DLC1: variants seen among roughly 807,000 people sequenced by gnomAD.
DLC1 encodes DLC1 Rho GTPase activating protein.
In DLC1, 54 loss-of-function variants were observed where a neutral mutation model predicts 140.3. The observed-to-expected ratio is 0.38, with a 90% confidence interval of 0.31 to 0.48. The LOEUF (loss-of-function observed/expected upper bound fraction) is 0.48, where lower values mean the gene tolerates loss of function less well. DLC1 is among the 20% of genes least tolerant of loss of function. DLC1 has a pLI of 0.96. For synonymous variants in DLC1, 986 were observed against 728.1 expected (o/e 1.35, Z -5.70); for missense variants, 2,536 against 1,907.0 (o/e 1.33, Z -6.14).
intron 5 of DLC1, among the ~76,000 whole-genome samples, chr8:13,302,880 T>C (rs1208151158): frequency 6.6e-6 from 1 of 152,156 alleles, no homozygotes; most frequent in African/African-American, 2.4e-5. Context: ...ACAAGATTTA[T>C]ATTTGTATAT....
intron 1 of DLC1, among the ~76,000 whole-genome samples, chr8:13,586,929 T>G (rs571586661): frequency 1.3e-5 from 2 of 152,186 alleles, no homozygotes; most frequent in African/African-American, 4.8e-5. Flanking sequence ...AAGACCCACC[T>G]GCATCAGGTG....
chr8:13,536,449 C>T (rs1390653363), intron 1 of DLC1, among the ~76,000 whole-genome samples: 1 of 152,092 alleles, frequency 6.6e-6, no homozygotes, highest in Non-Finnish European at 1.5e-5. Flanking sequence ...GGTTACTATG[C>T]AGGAGGAATG....
At chr8:13,535,657 A>C (rs1217396468) in intron 1 of DLC1, among the ~76,000 whole-genome samples, 1 of 125,522 alleles carries the variant, frequency 8.0e-6, no homozygotes, top group Non-Finnish European at 1.6e-5. Context: ...GGGCGTGGGG[A>C]TCATTGCTCA....
intron 5 of DLC1, among the ~76,000 whole-genome samples, chr8:13,194,159 C>T (rs974725957): frequency 2.0e-5 from 3 of 152,194 alleles, no homozygotes; most frequent in Non-Finnish European, 1.5e-5. Context: ...TACCTGTGTT[C>T]AAATTTTTAT....
At chr8:13,571,933 T>C (rs965207371) in intron 1 of DLC1, among the ~76,000 whole-genome samples, 3 of 152,180 alleles carry the variant, frequency 2.0e-5, no homozygotes, top group Admixed American at 1.3e-4. Flanking sequence ...CATTGTACTT[T>C]GACTTATAAT....
In DLC1 at chr8:13,417,781, G is replaced by A. The variant is rs559024505; in HGVS notation, c.1024-16162C>T. On this transcript the variant is annotated intron_variant, in intron 2 of 17. Transcript: ENST00000276297. ...TCTAGTTCTAGATCCCTGAGGAATCGCCACACTGACTTCCACAATGGTTGA... is the reference window on the plus strand; with the variant it reads ...TCTAGTTCTAGATCCCTGAGGAATCACCACACTGACTTCCACAATGGTTGA... Among the ~76,000 whole-genome samples, 43 of 152,102 alleles carry A rather than the reference G, an allele frequency of 2.8e-4. 1 individual carries two copies. The highest frequency in any genetic ancestry group is 7.5e-4 in the African/African-American group (31 of 41,506).
Position 13,436,911 on chromosome 8 carries a change from G to T in DLC1, c.1024-35292C>A, listed in dbSNP as rs566978484. Among the ~76,000 whole-genome samples, 4 of 152,086 alleles carry T rather than the reference G, an allele frequency of 2.6e-5. No homozygotes were observed. In the South Asian group the frequency reaches 6.2e-4, roughly 24 times the overall value. ...GCAATGGAATTTTTCTTCTCTCTGG[G>T]ACTCCATCAATCTTATTTTTCGTTT... On this transcript the variant is annotated intron_variant, in intron 2 of 17. Coordinates refer to ENST00000276297, the MANE Select transcript of DLC1 (RefSeq NM_182643.3).
In DLC1 at chr8:13,578,457, G is replaced by C. The variant is rs574323341; in HGVS notation, c.-126+26080C>G. Reference sequence around the variant, plus strand: ...AACTGGGTGTCCTAGAATTCATTCAGTTCTGACATATCTACCTGGAGTTTA... The same window carrying C: ...AACTGGGTGTCCTAGAATTCATTCACTTCTGACATATCTACCTGGAGTTTA... On this transcript the variant is annotated intron_variant, in intron 1 of 1. Transcript: ENST00000631382. Among the ~76,000 whole-genome samples, 7 of 152,272 alleles carry C rather than the reference G, an allele frequency of 4.6e-5. No individual in the cohort carries two copies. The East Asian group carries it at 1.4e-3, about 29-fold the overall frequency.
At chr8:13,313,701 C>A (rs1011184250) in intron 4 of DLC1, among the ~76,000 whole-genome samples, 1 of 152,152 alleles carries the variant, frequency 6.6e-6, no homozygotes, top group African/African-American at 2.4e-5. Flanking sequence ...TTCCTCCAGT[C>A]CAATTAACTT....
intron 2 of DLC1, among the ~76,000 whole-genome samples, chr8:13,425,268 G>A (rs1445592133): frequency 6.6e-6 from 1 of 152,210 alleles, no homozygotes; most frequent in Non-Finnish European, 1.5e-5. Context: ...CCACATGTTA[G>A]TGTTGAAACG....
intron 1 of DLC1, among the ~76,000 whole-genome samples, chr8:13,572,851 A>T (rs976839342): frequency 6.6e-6 from 1 of 151,840 alleles, no homozygotes; most frequent in Admixed American, 6.6e-5. Context: ...GTCTGTCCTT[A>T]CTCCAGTACC....
chr8:13,144,360 G>T (rs1489896893), intron 5 of DLC1, among the ~76,000 whole-genome samples: 3 of 152,168 alleles, frequency 2.0e-5, no homozygotes, highest in Non-Finnish European at 4.4e-5. Flanking sequence ...TGGTTCTGAG[G>T]TTCTGGACTT....
At chr8:13,311,707 C>T (rs1023168770) in intron 4 of DLC1, among the ~76,000 whole-genome samples, 1 of 152,108 alleles carries the variant, frequency 6.6e-6, no homozygotes, top group Non-Finnish European at 1.5e-5. Flanking sequence ...GGGGTCTCAG[C>T]TTAAATTGTT....
In DLC1 at chr8:13,086,443, G is replaced by A. The variant is rs1261718722; in HGVS notation, c.4313C>T (p.Pro1438Leu). The A allele has an allele frequency of 1.9e-6, 3 of 1,614,060 alleles. No homozygotes were observed. Among genetic ancestry groups the A allele is most frequent in the Non-Finnish European group, 2.5e-6 (3 of 1,180,012 alleles). Residue 1438 changes from proline to leucine, a missense_variant, in exon 17 of 18, where the codon CCC becomes CTC. By Grantham distance (98) the Pro-to-Leu change is moderately conservative. Coordinates refer to ENST00000276297, the MANE Select transcript of DLC1 (RefSeq NM_182643.3). Reference protein sequence around the residue: ...VVLRTWRTNLPKGACALLLTS... With the variant: ...VVLRTWRTNLLKGACALLLTS... ...TAGTAAAAGGGCACAGGCTCCTTTG[G>A]GTAAATTAGTCCTCCAGGTTCTGTA...
At chr8:13,402,024 T>C (rs1390450265) in intron 2 of DLC1, among the ~76,000 whole-genome samples, 2 of 152,218 alleles carry the variant, frequency 1.3e-5, no homozygotes, top group African/African-American at 2.4e-5. Flanking sequence ...TATGAGATTA[T>C]ATTTTTGGAA....
At chr8:13,143,215 C>G (rs1823144712) in intron 5 of DLC1, among the ~76,000 whole-genome samples, 2 of 152,126 alleles carry the variant, frequency 1.3e-5, no homozygotes, top group Non-Finnish European at 2.9e-5. Flanking sequence ...AACAAAAGCA[C>G]TGACCATATA....
intron 4 of DLC1, among the ~76,000 whole-genome samples, chr8:13,376,015 G>A (rs543385912): frequency 2.0e-5 from 3 of 152,216 alleles, no homozygotes; most frequent in East Asian, 1.9e-4. Flanking sequence ...TGCACGAACC[G>A]AAAAGAGTTT....
chr8:13,519,776 A>T (rs1802707399), upstream of DLC1, among the ~76,000 whole-genome samples: 2 of 152,228 alleles, frequency 1.3e-5, no homozygotes, highest in African/African-American at 4.8e-5. Flanking sequence ...TGATAAATTT[A>T]CAAGAAAAAA....
intron 1 of DLC1, among the ~76,000 whole-genome samples, chr8:13,585,920 A>G (rs1262961109): frequency 6.6e-6 from 1 of 152,220 alleles, no homozygotes; most frequent in Non-Finnish European, 1.5e-5. Flanking sequence ...GAGGGATATA[A>G]TTCAAACTGT....
Sources: gnomAD v4.1 joint callset for allele counts (sites outside exome capture counted in the v4.1 genomes callset) on GRCh38, gnomAD v4.1.1 for gene constraint, MANE v1.5 for transcripts, NCBI Gene and HGNC (gene_info 2026-07-23, HGNC 2026-07-21) for gene names.